The following PDGFD variants were observed in gnomAD, a reference collection of about 807,000 sequenced individuals.
PDGFD encodes the protein platelet-derived growth factor D.
PDGFD carries 30 observed loss-of-function variants against 44.7 expected under a neutral mutation model. The ratio of observed to expected loss-of-function variants is 0.67; its 90% CI spans 0.50 to 0.91. The LOEUF (loss-of-function observed/expected upper bound fraction) is 0.91, where lower values mean the gene tolerates loss of function less well. Ranked by LOEUF, PDGFD falls within the 40% of genes least tolerant of loss-of-function variation. The pLI is 0.00. For missense variants in PDGFD, 445 were observed against 457.8 expected (o/e 0.97, Z 0.25); for synonymous variants, 173 against 168.4 (o/e 1.03, Z -0.21).
rs971963042 is a variant in PDGFD, at chr11:103,956,691, A to G, written c.511-8967T>C. On this transcript the variant is annotated intron_variant, in intron 3 of 6. Coordinates refer to ENST00000393158, the MANE Select transcript of PDGFD (RefSeq NM_025208.5). ...ACATTCCCACCAACAGTGTAAAAGT[A>G]TTCCTATTTCTCCACATCCTCTCCA... Among the ~76,000 whole-genome samples, 21 of 152,054 alleles carry G rather than the reference A, an allele frequency of 1.4e-4. No homozygotes were observed. The East Asian group carries it at 1.7e-3, about 13-fold the overall frequency.
intron 5 of PDGFD, among the ~76,000 whole-genome samples, chr11:103,942,971 C>A (rs1355004340): frequency 6.6e-6 from 1 of 152,110 alleles, no homozygotes; most frequent in Non-Finnish European, 1.5e-5. Context: ...AAGATCTCAT[C>A]CAGCTCCAAA....
intron 1 of PDGFD, among the ~76,000 whole-genome samples, chr11:104,004,975 T>A (rs1404264604): frequency 7.1e-6 from 1 of 140,062 alleles, no homozygotes; most frequent in Non-Finnish European, 1.5e-5. Context: ...GCCTCCCGGG[T>A]TCAAGCAAGT....
chr11:104,119,670 GAT>G (rs1342770286), intron 1 of PDGFD, among the ~76,000 whole-genome samples: 11 of 73,990 alleles, frequency 1.5e-4, no homozygotes, highest in South Asian at 4.8e-4. Context: ...ATTATATATC[GAT>G]ATATATATCG....
At chr11:104,085,880 G>C (rs1861121288) in intron 1 of PDGFD, among the ~76,000 whole-genome samples, 1 of 152,130 alleles carries the variant, frequency 6.6e-6, no homozygotes, top group Non-Finnish European at 1.5e-5. Context: ...ATGATGAAAA[G>C]TGTTTAGATC....
At chr11:103,977,377 G>T (rs920189463) in intron 3 of PDGFD, among the ~76,000 whole-genome samples, 1 of 152,118 alleles carries the variant, frequency 6.6e-6, no homozygotes. Context: ...AAACCTGGCA[G>T]AGACACAATA....
chr11:104,046,086 T>C (rs1377742454), intron 1 of PDGFD, among the ~76,000 whole-genome samples: 1 of 147,118 alleles, frequency 6.8e-6, no homozygotes, highest in Non-Finnish European at 1.5e-5. Flanking sequence ...TACAAAATAA[T>C]GTGAAGGAAA....
chr11:104,128,139 C>T (rs1861865596), intron 1 of PDGFD, among the ~76,000 whole-genome samples: 1 of 124,416 alleles, frequency 8.0e-6, no homozygotes, highest in South Asian at 2.9e-4. Context: ...TCTACTACAT[C>T]TGATTAAGTG....
chr11:104,049,836 T>A (rs1334276079), intron 1 of PDGFD, among the ~76,000 whole-genome samples: 1 of 152,134 alleles, frequency 6.6e-6, no homozygotes, highest in Non-Finnish European at 1.5e-5. Context: ...GTTGGTAACT[T>A]CGACAAGAGT....
At chr11:104,017,347 C>T (rs11226113) in intron 1 of PDGFD, among the ~76,000 whole-genome samples, 18,622 of 149,508 alleles carry the variant, frequency 0.12, 1,258 homozygotes, top group South Asian at 0.22. Flanking sequence ...GGTGTTTTTC[C>T]GTTTTTTTTG....
intron 5 of PDGFD, among the ~76,000 whole-genome samples, chr11:103,940,665 T>C (rs887328667): frequency 1.3e-5 from 2 of 152,194 alleles, no homozygotes; most frequent in Admixed American, 1.3e-4. Context: ...TGACTTCCCT[T>C]GTTTTTGTGA....
chr11:104,163,942 T>C lies in PDGFD; in HGVS notation c.-15A>G. The C allele has an allele frequency of 1.3e-6, 2 of 1,531,330 alleles. No individual in the cohort carries two copies. Among genetic ancestry groups the C allele is most frequent in the Non-Finnish European group, 8.9e-7 (1 of 1,124,800 alleles). 94.9% of individuals were successfully genotyped at this position (1,531,330 alleles called of 1,614,324 possible). A position where few individuals can be genotyped will look rare whatever the true frequency, so the allele number is the denominator to read the frequency against. ...AGCCGGTGCATTTGGGATCAGCGAC[T>C]AGAGACAGCGTCGCTCCAAGAAAAA... On this transcript the variant is annotated 5_prime_UTR_variant, in exon 1 of 7. Coordinates refer to ENST00000393158, the MANE Select transcript of PDGFD (RefSeq NM_025208.5).
At chr11:103,943,350 CA>C (rs1357577521) in intron 5 of PDGFD, 101 bp downstream of exon 5, 1 of 1,189,348 alleles carries the variant, frequency 8.4e-7, no homozygotes, top group African/African-American at 1.5e-5. Flanking sequence ...ATCCAAAATC[CA>C]AAAGACTTCT....
intron 1 of PDGFD, among the ~76,000 whole-genome samples, chr11:104,146,242 T>C (rs1565348153): frequency 6.6e-6 from 1 of 152,228 alleles, no homozygotes. Context: ...TACATTAACA[T>C]GTAGGACTGG....
intron 1 of PDGFD, among the ~76,000 whole-genome samples, chr11:104,114,336 C>T (rs1383348451): frequency 6.6e-6 from 1 of 151,774 alleles, no homozygotes. Flanking sequence ...TGTTCTAGCA[C>T]CATGTATAGA....
At chr11:103,961,789 GATCACCC>G (rs887833396) in intron 3 of PDGFD, among the ~76,000 whole-genome samples, 10 of 152,156 alleles carry the variant, frequency 6.6e-5, no homozygotes, top group Admixed American at 6.6e-5. Context: ...CTGTCATCCT[GATCACCC>G]TTTTCCTACA....
intron 1 of PDGFD, among the ~76,000 whole-genome samples, chr11:104,082,051 C>G (rs1240485119): frequency 1.3e-5 from 2 of 148,534 alleles, no homozygotes; most frequent in African/African-American, 2.5e-5. Flanking sequence ...ATAGAGGTGC[C>G]AGTTATTGCC....
At chr11:103,915,791 A>G (rs1160675285) in intron 6 of PDGFD, among the ~76,000 whole-genome samples, 1 of 152,050 alleles carries the variant, frequency 6.6e-6, no homozygotes, top group Non-Finnish European at 1.5e-5. Context: ...TTACACTGCA[A>G]TCTACATCCA....
intron 1 of PDGFD, among the ~76,000 whole-genome samples, chr11:104,053,371 T>C (rs1395693923): frequency 1.3e-5 from 2 of 152,244 alleles, no homozygotes; most frequent in African/African-American, 4.8e-5. Flanking sequence ...CATGTGTGTA[T>C]CTTTTCATAA....
At chr11:103,964,642 C>T (rs945998053) in intron 3 of PDGFD, among the ~76,000 whole-genome samples, 3 of 152,104 alleles carry the variant, frequency 2.0e-5, no homozygotes, top group African/African-American at 4.8e-5. Context: ...CTCTATCCAA[C>T]CCTAATAAAA....
Sources: gnomAD v4.1 joint callset for allele counts (sites outside exome capture counted in the v4.1 genomes callset) on GRCh38, gnomAD v4.1.1 for gene constraint, MANE v1.5 for transcripts, NCBI Gene and HGNC (gene_info 2026-07-23, HGNC 2026-07-21) for gene names.